NRG3: variants seen among roughly 807,000 people sequenced by gnomAD.
NRG3 encodes the protein pro-neuregulin-3, membrane-bound isoform.
Under a neutral mutation model 66.9 loss-of-function variants are expected in NRG3, and 31 were observed. That is an observed-to-expected ratio of 0.46 (90% CI 0.35 to 0.63). The LOEUF is 0.63. NRG3 is among the 20% of genes least tolerant of loss of function. The pLI, the probability that NRG3 is intolerant of heterozygous loss-of-function variation, is 0.00. For missense variants in NRG3, 910 were observed against 878.9 expected, an observed-to-expected ratio of 1.04 and a Z score of -0.45; for synonymous variants, 393 against 359.4, an observed-to-expected ratio of 1.09 and a Z score of -1.06.
At chr10:82,000,254 C>T (rs1041934409) in intron 1 of NRG3, among the ~76,000 whole-genome samples, 2 of 152,078 alleles carry the variant, frequency 1.3e-5, no homozygotes, top group African/African-American at 4.8e-5. Context: ...TTGAATTGAT[C>T]CTTCCAGAAA....
At chr10:82,914,381 C>T (rs1845633382) in intron 4 of NRG3, among the ~76,000 whole-genome samples, 1 of 151,898 alleles carries the variant, frequency 6.6e-6, no homozygotes, top group Admixed American at 6.6e-5. Flanking sequence ...CTAGACATGA[C>T]ATATTAGGTA....
At chr10:82,885,265 CA>C in intron 4 of NRG3, among the ~76,000 whole-genome samples, 1 of 152,096 alleles carries the variant, frequency 6.6e-6, no homozygotes, top group East Asian at 1.9e-4. Context: ...CAATAGAAGG[CA>C]AAAGCATGAT....
chr10:82,097,973 G>T lies in NRG3; in HGVS notation c.823+221810G>T, dbSNP rs181101986. Among the ~76,000 whole-genome samples, 482 of 151,642 alleles carry T rather than the reference G, an allele frequency of 3.2e-3. 1 individual carries two copies. Among genetic ancestry groups the T allele is most frequent in the African/African-American group, 0.01 (431 of 41,360 alleles). Reference sequence around the variant, plus strand: ...GTTTCCTTATCATTTCATTTTGAAAGTAGTTATTGTTAAGTCTGAAACCGA... The same window carrying T: ...GTTTCCTTATCATTTCATTTTGAAATTAGTTATTGTTAAGTCTGAAACCGA... On this transcript the variant is annotated intron_variant, in intron 1 of 8. Transcript: ENST00000372141.
chr10:82,596,590 G>T (rs1194569960), intron 2 of NRG3, among the ~76,000 whole-genome samples: 2 of 152,126 alleles, frequency 1.3e-5, no homozygotes, highest in South Asian at 2.1e-4. Flanking sequence ...TAAGGTAAGG[G>T]TTGGTAGCTT....
intron 1 of NRG3, among the ~76,000 whole-genome samples, chr10:82,152,798 C>T (rs1466251604): frequency 1.3e-5 from 2 of 150,432 alleles, no homozygotes; most frequent in African/African-American, 4.9e-5. Flanking sequence ...TCTTCTTCCC[C>T]CACCCTCCCC....
chr10:82,260,419 C>A (rs1475458143), intron 1 of NRG3, among the ~76,000 whole-genome samples: 2 of 152,108 alleles, frequency 1.3e-5, no homozygotes, highest in African/African-American at 4.8e-5. Flanking sequence ...TAAGTAGAGG[C>A]CTGAGGCATC....
chr10:82,258,747 T>G (rs1241646818), intron 1 of NRG3, among the ~76,000 whole-genome samples: 1 of 152,180 alleles, frequency 6.6e-6, no homozygotes, highest in African/African-American at 2.4e-5. Context: ...GAGTTGTCTG[T>G]CCTTCAAAGT....
chr10:82,488,892 A>T (rs1167631068), intron 2 of NRG3, among the ~76,000 whole-genome samples: 1 of 152,240 alleles, frequency 6.6e-6, no homozygotes, highest in Non-Finnish European at 1.5e-5. Context: ...ACCTTCTATC[A>T]CATTACTCTT....
chr10:82,336,203 C>CA lies in NRG3; in HGVS notation c.824-22526dup, dbSNP rs36030759. Among the ~76,000 whole-genome samples, 19 of 145,580 alleles carry CA rather than the reference C, an allele frequency of 1.3e-4. No individual in the cohort carries two copies. The East Asian group carries it at 1.6e-3, about 12-fold the overall frequency. On this transcript the variant is annotated intron_variant, in intron 1 of 8. Coordinates refer to ENST00000372141, the MANE Select transcript of NRG3 (RefSeq NM_001010848.4). ...AAAGCTCATTTTACTAGGTGTGTACCAAAAAAAAAAGTCACACCAGTAGAA... is the reference window on the plus strand; with the variant it reads ...AAAGCTCATTTTACTAGGTGTGTACCAAAAAAAAAAAGTCACACCAGTAGAA...
chr10:82,455,578 G>T (rs537058046), intron 2 of NRG3, among the ~76,000 whole-genome samples: 18 of 151,836 alleles, frequency 1.2e-4, no homozygotes, highest in Admixed American at 1.2e-3. Context: ...CACTACTATG[G>T]ACTTCATAAA....
intron 2 of NRG3, among the ~76,000 whole-genome samples, chr10:82,462,447 G>A (rs1396130186): frequency 6.6e-6 from 1 of 151,884 alleles, no homozygotes; most frequent in Non-Finnish European, 1.5e-5. Flanking sequence ...TTCTGCAATA[G>A]ATGTCATGGA....
At chr10:82,256,892 G>A (rs1295791049) in intron 1 of NRG3, among the ~76,000 whole-genome samples, 1 of 152,152 alleles carries the variant, frequency 6.6e-6, no homozygotes, top group African/African-American at 2.4e-5. Flanking sequence ...TGAGAGGCAT[G>A]TTTTTCTACT....
chr10:82,903,088 T>G (rs967984967), intron 4 of NRG3, among the ~76,000 whole-genome samples: 2 of 152,194 alleles, frequency 1.3e-5, no homozygotes, highest in African/African-American at 4.8e-5. Flanking sequence ...TTGTTAAAAC[T>G]TACACAAACA....
At chr10:82,311,193 C>T (rs995449373) in intron 1 of NRG3, among the ~76,000 whole-genome samples, 126 of 152,294 alleles carry the variant, frequency 8.3e-4, no homozygotes, top group African/African-American at 2.7e-3. Flanking sequence ...CTCTGAGTTG[C>T]CTAGTAGTAA....
At chr10:82,058,655 TC>T (rs1228588326) in intron 1 of NRG3, among the ~76,000 whole-genome samples, 1 of 152,096 alleles carries the variant, frequency 6.6e-6, no homozygotes, top group Non-Finnish European at 1.5e-5. Context: ...TTGATTTTTT[TC>T]CCTTCTCCTT....
intron 1 of NRG3, among the ~76,000 whole-genome samples, chr10:82,269,711 G>A (rs1032508067): frequency 1.3e-5 from 2 of 152,110 alleles, no homozygotes; most frequent in African/African-American, 4.8e-5. Context: ...ACTTCAGCGG[G>A]ATCAAGACCA....
chr10:82,523,365 C>T (rs1846384562), intron 2 of NRG3, among the ~76,000 whole-genome samples: 1 of 152,144 alleles, frequency 6.6e-6, no homozygotes, highest in Non-Finnish European at 1.5e-5. Flanking sequence ...GCACCATTTA[C>T]TTTCCCACCA....
chr10:82,786,225 TAA>T (rs529449648), intron 3 of NRG3, among the ~76,000 whole-genome samples: 83 of 152,256 alleles, frequency 5.5e-4, no homozygotes, highest in African/African-American at 1.9e-3. Flanking sequence ...GCTGCAGCCA[TAA>T]GACTCTAACC....
chr10:82,772,642 G>A (rs962773634), intron 3 of NRG3, among the ~76,000 whole-genome samples: 14 of 149,308 alleles, frequency 9.4e-5, no homozygotes, highest in African/African-American at 2.0e-4. Context: ...CATCCATGTC[G>A]TAACAAATGG....
Sources: gnomAD v4.1 joint callset for allele counts (sites outside exome capture counted in the v4.1 genomes callset) on GRCh38, gnomAD v4.1.1 for gene constraint, MANE v1.5 for transcripts, NCBI Gene and HGNC (gene_info 2026-07-23, HGNC 2026-07-21) for gene names.